The following CRPPA variants were observed in gnomAD, a reference collection of about 807,000 sequenced individuals.
The protein encoded by CRPPA is CDP-L-ribitol pyrophosphorylase A.
A neutral mutation model predicts 52.0 loss-of-function variants in CRPPA; 43 were observed. That is an observed-to-expected ratio of 0.83 (90% CI 0.65 to 1.07). The LOEUF is 1.07. CRPPA is among the 50% of genes least tolerant of loss of function. The pLI, the probability that CRPPA is intolerant of heterozygous loss-of-function variation, is 0.00. For missense variants in CRPPA, 629 were observed against 551.7 expected, an observed-to-expected ratio of 1.14 and a Z score of -1.40; for synonymous variants, 250 against 203.5, an observed-to-expected ratio of 1.23 and a Z score of -1.94.
intron 5 of CRPPA, among the ~76,000 whole-genome samples, chr7:16,298,934 A>C (rs574360869): frequency 6.6e-6 from 1 of 152,300 alleles, no homozygotes. Context: ...CCTTGTTCTC[A>C]GGCCTTTGGG....
chr7:16,406,047 G>GA lies in CRPPA; in HGVS notation c.534+13dup, dbSNP rs773846200. ...GCTTGTCCCTTCTATCTAGACTCAA[G>GA]AAAAAAGACTTACCCCGTGTTCCTT... On this transcript the variant is annotated intron_variant, in intron 2 of 9. Coordinates refer to ENST00000407010, the MANE Select transcript of CRPPA (RefSeq NM_001101426.4). The GA allele has an allele frequency of 9.7e-5, 156 of 1,608,994 alleles. 1 individual carries two copies. The highest frequency in any genetic ancestry group is 1.3e-4 in the Non-Finnish European group (148 of 1,176,644).
At chr7:16,419,529 G>A (rs957656266) in intron 1 of CRPPA, among the ~76,000 whole-genome samples, 1 of 152,106 alleles carries the variant, frequency 6.6e-6, no homozygotes. Flanking sequence ...ACAGTTTAGG[G>A]GTCATGCATC....
At chr7:16,216,679 C>A (rs966372385) in intron 8 of CRPPA, 1 of 154,410 alleles carries the variant, frequency 6.5e-6, no homozygotes, top group African/African-American at 2.4e-5. Context: ...AAAGGGGTGA[C>A]AGACGCACCT....
At chr7:16,216,876 C>A (rs1483561552) in intron 8 of CRPPA, among the ~76,000 whole-genome samples, 1 of 152,154 alleles carries the variant, frequency 6.6e-6, no homozygotes, top group African/African-American at 2.4e-5. Flanking sequence ...GGGCGCCCGC[C>A]ATTGCCCAGG....
At chr7:16,265,366 A>G (rs1257526146) in intron 6 of CRPPA, among the ~76,000 whole-genome samples, 1 of 152,190 alleles carries the variant, frequency 6.6e-6, no homozygotes, top group Non-Finnish European at 1.5e-5. Context: ...CTCTTATCAC[A>G]CAAGGAAAAG....
intron 1 of CRPPA, among the ~76,000 whole-genome samples, chr7:16,412,230 G>C (rs535027371): frequency 6.6e-6 from 1 of 152,240 alleles, no homozygotes; most frequent in African/African-American, 2.4e-5. Flanking sequence ...GCCAATTTCG[G>C]GTCCCATTAG....
rs762819997 is a variant in CRPPA, at chr7:16,406,087, C to A, written c.508G>T (p.Val170Phe). 5 of 1,613,754 alleles carry A rather than the reference C, an allele frequency of 3.1e-6. No individual in the cohort carries two copies. Among genetic ancestry groups the A allele is most frequent in the Non-Finnish European group, 4.2e-6 (5 of 1,179,784 alleles). The change falls in exon 2 of 10, where the codon GTT becomes TTT. Residue 170 changes from valine (V) to phenylalanine (F), a missense_variant. Physicochemically the swap from Val to Phe is conservative, Grantham distance 50. Coordinates refer to ENST00000407010, the MANE Select transcript of CRPPA (RefSeq NM_001101426.4). ...PFVEEGVLLK[V>F]VTAAKEHGAA... ...CCGTGTTCCTTAGCAGCTGTGACAACTTTAAGAAGGACACCTTCCTCAACA... is the reference window on the plus strand; with the variant it reads ...CCGTGTTCCTTAGCAGCTGTGACAAATTTAAGAAGGACACCTTCCTCAACA...
At chr7:16,197,363 G>T (rs1054306780) in intron 9 of CRPPA, among the ~76,000 whole-genome samples, 3 of 152,110 alleles carry the variant, frequency 2.0e-5, no homozygotes, top group African/African-American at 4.8e-5. Flanking sequence ...TTGAGTCAGG[G>T]TCTCTTCTGT....
At chr7:16,290,852 CT>C (rs1784550082) in intron 5 of CRPPA, among the ~76,000 whole-genome samples, 1 of 152,010 alleles carries the variant, frequency 6.6e-6, no homozygotes, top group South Asian at 2.1e-4. Context: ...AGGAGACAAT[CT>C]GTTGAATACA....
Position 16,301,413 on chromosome 7 carries a change from A to T in CRPPA, c.835+8T>A. 6.2e-7 allele frequency: 1 copy of T among 1,611,278 alleles called. No individual in the cohort carries two copies. The highest frequency in any genetic ancestry group is 8.5e-7 in the Non-Finnish European group (1 of 1,178,032). Reference sequence around the variant, plus strand: ...CACAGGAACTGACAGTCATAAGGCCAAACATACCCTTAATAATCGATTCAG... The same window carrying T: ...CACAGGAACTGACAGTCATAAGGCCTAACATACCCTTAATAATCGATTCAG... On this transcript the variant is annotated splice_region_variant and intron_variant, in intron 5 of 9. Coordinates refer to ENST00000407010, the MANE Select transcript of CRPPA (RefSeq NM_001101426.4).
At chr7:16,202,645 G>C (rs1781885704) in intron 9 of CRPPA, among the ~76,000 whole-genome samples, 1 of 152,202 alleles carries the variant, frequency 6.6e-6, no homozygotes, top group Admixed American at 6.5e-5. Context: ...AAAGCATGAA[G>C]AATGACAGGG....
chr7:16,141,280 T>C (rs1782864762), intron 9 of CRPPA, among the ~76,000 whole-genome samples: 1 of 152,218 alleles, frequency 6.6e-6, no homozygotes, highest in African/African-American at 2.4e-5. Flanking sequence ...CACCAATTTA[T>C]AAATAAATTA....
At chr7:16,397,670 C>T (rs1279682855) in intron 2 of CRPPA, among the ~76,000 whole-genome samples, 4 of 146,062 alleles carry the variant, frequency 2.7e-5, no homozygotes, top group Non-Finnish European at 5.9e-5. Context: ...ACTAAGACGT[C>T]ACCGACAAAC....
intron 3 of CRPPA, among the ~76,000 whole-genome samples, chr7:16,347,514 C>T (rs1194083027): frequency 1.3e-5 from 2 of 152,046 alleles, no homozygotes; most frequent in African/African-American, 2.4e-5. Context: ...ACTATTTTAT[C>T]GTTCAGAAAA....
chr7:16,174,515 C>T (rs1057513529), intron 9 of CRPPA, among the ~76,000 whole-genome samples: 6 of 152,082 alleles, frequency 3.9e-5, no homozygotes, highest in Non-Finnish European at 8.8e-5. Context: ...TGCAAAAAAT[C>T]CACTTCCAAT....
At chr7:16,310,269 C>CA (rs1199328809) in intron 3 of CRPPA, among the ~76,000 whole-genome samples, 1 of 151,998 alleles carries the variant, frequency 6.6e-6, no homozygotes, top group African/African-American at 2.4e-5. Context: ...CAGTGTCTAA[C>CA]AGCCTTCTGC....
intron 9 of CRPPA, among the ~76,000 whole-genome samples, chr7:16,153,757 A>T (rs1258484191): frequency 1.3e-5 from 2 of 152,166 alleles, no homozygotes; most frequent in Non-Finnish European, 2.9e-5. Context: ...GAAGGAAACT[A>T]AACCTCTGTG....
rs1370432495 is a variant in CRPPA at position 16,385,473 on chromosome 7, G to GATGGC, written c.535-9237_535-9233dup. 9.8e-5 allele frequency among the ~76,000 whole-genome samples: 15 copies of GATGGC among 152,304 alleles called. No individual in the cohort carries two copies. The East Asian group carries it at 2.5e-3, about 25-fold the overall frequency. On this transcript the variant is annotated intron_variant, in intron 2 of 9. Coordinates refer to ENST00000407010, the MANE Select transcript of CRPPA (RefSeq NM_001101426.4). The stretch of plus-strand genomic sequence containing the variant: ...GACTTATCAGAAACAATAAAAGTTA[G>GATGGC]ATGGCAGTGGGGTAATAGTCACTAA...
intron 3 of CRPPA, among the ~76,000 whole-genome samples, chr7:16,318,830 A>C (rs1403101478): frequency 6.6e-6 from 1 of 152,180 alleles, no homozygotes; most frequent in East Asian, 1.9e-4. Context: ...AAACAAACTT[A>C]ATTCACCAGG....
Sources: allele counts gnomAD v4.1 joint callset (sites outside exome capture counted in the v4.1 genomes callset), GRCh38; gene constraint gnomAD v4.1.1; transcripts MANE v1.5; gene names NCBI Gene and HGNC (gene_info 2026-07-23, HGNC 2026-07-21).